WDR41: variants seen among roughly 807,000 people sequenced by gnomAD.
The protein encoded by WDR41 is WD repeat-containing protein 41.
WDR41 carries 63 observed loss-of-function variants against 69.3 expected under a neutral mutation model. The observed-to-expected ratio is 0.91, with a 90% CI of 0.74 to 1.12. WDR41 has a LOEUF of 1.12. WDR41 is among the 50% of genes most tolerant of loss of function. WDR41 has a pLI of 0.00. For missense variants in WDR41, 543 were observed against 534.5 expected (o/e 1.02, Z -0.16); for synonymous variants, 185 against 192.1 (o/e 0.96, Z 0.31).
intron 1 of WDR41, among the ~76,000 whole-genome samples, chr5:77,599,646 G>A (rs898277752): frequency 4.6e-5 from 7 of 152,182 alleles, no homozygotes; most frequent in Non-Finnish European, 1.0e-4. Context: ...CCCATGGTGG[G>A]AAGAGAGGTG....
chr5:77,528,919 C>T (rs1802485598), intron 1 of WDR41, among the ~76,000 whole-genome samples: 1 of 151,284 alleles, frequency 6.6e-6, no homozygotes, highest in Non-Finnish European at 1.5e-5. Context: ...ATTTAAAAAC[C>T]TATAGCATTA....
intron 1 of WDR41, among the ~76,000 whole-genome samples, chr5:77,558,044 T>C (rs1269700126): frequency 7.0e-6 from 1 of 143,266 alleles, no homozygotes; most frequent in Non-Finnish European, 1.5e-5. Context: ...TGATTACCTT[T>C]AAGTAGGGAG....
intron 1 of WDR41, among the ~76,000 whole-genome samples, chr5:77,565,095 T>C (rs879695626): frequency 6.6e-6 from 1 of 152,030 alleles, no homozygotes; most frequent in Non-Finnish European, 1.5e-5. Context: ...CAGAGCACAA[T>C]AACCTGAGGG....
chr5:77,434,557 T>C (rs965148348), intron 12 of WDR41, among the ~76,000 whole-genome samples: 6 of 151,454 alleles, frequency 4.0e-5, no homozygotes, highest in African/African-American at 1.5e-4. Context: ...GTACAAAAAT[T>C]AGCTGGGCGT....
chr5:77,609,429 C>T (rs576569294), intron 1 of WDR41, among the ~76,000 whole-genome samples: 1 of 152,298 alleles, frequency 6.6e-6, no homozygotes, highest in East Asian at 1.9e-4. Context: ...ACTGACACCT[C>T]ACACGGCCAG....
intron 1 of WDR41, among the ~76,000 whole-genome samples, chr5:77,505,298 T>C (rs1486730547): frequency 6.6e-6 from 1 of 151,978 alleles, no homozygotes; most frequent in Non-Finnish European, 1.5e-5. Context: ...GAGAGTAAAA[T>C]ACATAGGAAT....
At chr5:77,592,420 T>G (rs536019961) in intron 1 of WDR41, among the ~76,000 whole-genome samples, 4 of 152,318 alleles carry the variant, frequency 2.6e-5, no homozygotes, top group African/African-American at 9.6e-5. Flanking sequence ...TGCCTTGTTT[T>G]AGATAGTCAA....
At chr5:77,494,776 G>A (rs1801914036), upstream of WDR41, among the ~76,000 whole-genome samples, 1 of 152,098 alleles carries the variant, frequency 6.6e-6, no homozygotes, top group Admixed American at 6.5e-5. Context: ...AAGAAATAGA[G>A]GACATAAACA....
intron 1 of WDR41, among the ~76,000 whole-genome samples, chr5:77,616,353 A>G (rs1744680982): frequency 6.6e-6 from 1 of 152,180 alleles, no homozygotes; most frequent in Non-Finnish European, 1.5e-5. Flanking sequence ...AAGCCTGCAG[A>G]TTTCCATGCA....
At chr5:77,530,011 A>C (rs2112205426) in intron 1 of WDR41, among the ~76,000 whole-genome samples, 1 of 150,160 alleles carries the variant, frequency 6.7e-6, no homozygotes, top group East Asian at 1.9e-4. Flanking sequence ...GCTTCTCTCA[A>C]GATACAGAAA....
intron 2 of WDR41, 23 bp from the exon 3 acceptor site, chr5:77,464,832 G>A (rs745975953): frequency 4.0e-5 from 63 of 1,573,286 alleles, no homozygotes; most frequent in Admixed American, 1.9e-4. Context: ...AAAGGGTCAA[G>A]AAAAAAAAAT....
intron 12 of WDR41, among the ~76,000 whole-genome samples, chr5:77,433,977 T>C (rs1287477948): frequency 2.6e-5 from 4 of 151,356 alleles, no homozygotes; most frequent in Admixed American, 6.6e-5. Context: ...GGGTGAAGAG[T>C]TGTATCAGAA....
chr5:77,593,789 CA>C (rs1168740326), intron 1 of WDR41, among the ~76,000 whole-genome samples: 4 of 152,264 alleles, frequency 2.6e-5, no homozygotes, highest in Middle Eastern at 3.4e-3. Flanking sequence ...GTCTAATGCT[CA>C]TTCTATTTCA....
intron 11 of WDR41, 83 bp downstream of exon 11, chr5:77,437,253 G>T (rs949121118): frequency 8.9e-7 from 1 of 1,121,932 alleles, no homozygotes; most frequent in Non-Finnish European, 1.3e-6. Context: ...TATTTTAGTG[G>T]TTTCACATAA....
At chr5:77,488,130 T>G (rs1457910470) in intron 2 of WDR41, among the ~76,000 whole-genome samples, 1 of 152,332 alleles carries the variant, frequency 6.6e-6, no homozygotes, top group Non-Finnish European at 1.5e-5. Context: ...CAGGAACTTG[T>G]AGCCAGCAGC....
At chr5:77,479,202 G>A (rs940569068) in intron 2 of WDR41, among the ~76,000 whole-genome samples, 2 of 151,790 alleles carry the variant, frequency 1.3e-5, no homozygotes, top group South Asian at 2.1e-4. Flanking sequence ...AACATTCCAT[G>A]CTCATGGGTA....
chr5:77,483,481 CGTGTGTGTGTGTGTGT>C lies in WDR41; in HGVS notation c.167+5960_167+5975del, dbSNP rs35574463. Among the ~76,000 whole-genome samples the C allele has an allele frequency of 7.5e-4, 108 of 143,458 alleles. 1 individual carries two copies. The highest frequency in any genetic ancestry group is 1.8e-3 in the African/African-American group (72 of 38,978). 94.1% of individuals were successfully genotyped at this position (143,458 alleles called of 152,430 possible). A position where few individuals can be genotyped will look rare whatever the true frequency, so the allele number is the denominator to read the frequency against. On this transcript the variant is annotated intron_variant, in intron 2 of 12. Transcript: ENST00000296679. ...CACCCCTACGAGTTACCTGAATACTCGTGTGTGTGTGTGTGTGTGTGTGTGTGTGTGTGTGTGTGTG... is the reference window on the plus strand; with the variant it reads ...CACCCCTACGAGTTACCTGAATACTCGTGTGTGTGTGTGTGTGTGTGTGTG...
intron 1 of WDR41, among the ~76,000 whole-genome samples, chr5:77,530,244 C>T (rs1802507831): frequency 6.6e-6 from 1 of 151,570 alleles, no homozygotes; most frequent in African/African-American, 2.4e-5. Context: ...TACCCCTATC[C>T]TATTACCCAA....
chr5:77,517,030 G>A (rs1581782447), intron 1 of WDR41, among the ~76,000 whole-genome samples: 3 of 149,560 alleles, frequency 2.0e-5, no homozygotes, highest in South Asian at 2.1e-4. Context: ...AAAAAAAAAA[G>A]GAAAAAGAAA....
Sources: gnomAD v4.1 joint callset for allele counts (sites outside exome capture counted in the v4.1 genomes callset) on GRCh38, gnomAD v4.1.1 for gene constraint, MANE v1.5 for transcripts, NCBI Gene and HGNC (gene_info 2026-07-23, HGNC 2026-07-21) for gene names.